The following PRP4K variants were observed in gnomAD, a reference collection of about 807,000 sequenced individuals.
PRP4K encodes the protein pre-mRNA processing factor kinase PRP4K.
At chr6:4,057,261 C>A in the PRP4K span, 13 of 1,465,708 alleles carry the variant, frequency 8.9e-6, no homozygotes, top group Admixed American at 2.2e-5. Flanking sequence ...ACTTGCTCAC[C>A]ACTAGTGAGC....
the PRP4K span, chr6:4,063,853 C>G: frequency 6.6e-6 from 1 of 152,180 alleles, no homozygotes; most frequent in South Asian, 2.1e-4. Context: ...TTTTCAAATG[C>G]TATCTGCCGT....
At chr6:4,044,483 A>C in the PRP4K span, among the ~76,000 whole-genome samples, 1 of 152,198 alleles carries the variant, frequency 6.6e-6, no homozygotes, top group Non-Finnish European at 1.5e-5. Flanking sequence ...TTGGTGTCCT[A>C]ACAACCTCCA....
chr6:4,056,688 G>C, the PRP4K span: 12 of 1,547,436 alleles, frequency 7.8e-6, no homozygotes, highest in African/African-American at 1.5e-4. Context: ...GATTATTCAA[G>C]GTCTGATTAT....
At chr6:4,043,685 A>G in the PRP4K span, 7 of 867,510 alleles carry the variant, frequency 8.1e-6, no homozygotes, top group South Asian at 1.7e-5. Flanking sequence ...GAACCAATAA[A>G]TACCATTTGG....
the PRP4K span, chr6:4,060,680 T>C: frequency 2.2e-6 from 3 of 1,353,176 alleles, no homozygotes; most frequent in Non-Finnish European, 2.0e-6. The surrounding 1 kb of genome is among the most constrained non-coding windows in gnomAD (Gnocchi z 4.7). Flanking sequence ...CACAGCAGTT[T>C]ATTAATGTAT....
At chr6:4,058,058 G>T in the PRP4K span, among the ~76,000 whole-genome samples, 1 of 152,116 alleles carries the variant, frequency 6.6e-6, no homozygotes, top group Non-Finnish European at 1.5e-5. Context: ...CTGTGTCCCA[G>T]ACTGGAGTAC....
the PRP4K span, among the ~76,000 whole-genome samples, chr6:4,022,057 ATTGTT>A: frequency 2.0e-5 from 3 of 147,346 alleles, no homozygotes; most frequent in Admixed American, 6.8e-5. Flanking sequence ...GTCACCCAGT[ATTGTT>A]TTGTTTTGTT....
chr6:4,026,942 C>T, the PRP4K span, among the ~76,000 whole-genome samples: 1 of 152,108 alleles, frequency 6.6e-6, no homozygotes, highest in African/African-American at 2.4e-5. Flanking sequence ...GAAAGCATTC[C>T]TGGCAGGAGA....
At chr6:4,021,306 C>G in the PRP4K span, 5 of 1,371,336 alleles carry the variant, frequency 3.6e-6, no homozygotes, top group East Asian at 7.5e-5. Context: ...ACTCAGAACC[C>G]AGCTCTTCCC....
chr6:4,056,707 T>C, the PRP4K span: 1 of 1,534,676 alleles, frequency 6.5e-7, no homozygotes, highest in Non-Finnish European at 8.8e-7. Flanking sequence ...ATCACATTTA[T>C]GGATTGTATG....
the PRP4K span, chr6:4,061,469 G>A: frequency 6.6e-6 from 1 of 152,606 alleles, no homozygotes; most frequent in East Asian, 1.9e-4. Context: ...ACGATGCGTA[G>A]TTTTCATTTA....
chr6:4,055,770 G>C, the PRP4K span, among the ~76,000 whole-genome samples: 9 of 152,272 alleles, frequency 5.9e-5, no homozygotes, highest in African/African-American at 2.2e-4. Flanking sequence ...ACATTTTCTT[G>C]ACTAATACCT....
the PRP4K span, among the ~76,000 whole-genome samples, chr6:4,031,063 C>T: frequency 6.6e-6 from 1 of 152,132 alleles, no homozygotes; most frequent in Non-Finnish European, 1.5e-5. Flanking sequence ...GCTGGGTTTA[C>T]TGTAGAGACA....
chr6:4,026,954 A>G, the PRP4K span, among the ~76,000 whole-genome samples: 408 of 152,268 alleles, frequency 2.7e-3, no homozygotes, highest in African/African-American at 6.9e-3. Flanking sequence ...GGCAGGAGAA[A>G]CAGGTCCCAC....
chr6:4,045,078 G>A, the PRP4K span, among the ~76,000 whole-genome samples: 6 of 151,874 alleles, frequency 4.0e-5, no homozygotes, highest in Non-Finnish European at 7.4e-5. Flanking sequence ...AGCCAGGATG[G>A]TCTCGATCTC....
the PRP4K span, among the ~76,000 whole-genome samples, chr6:4,022,453 G>A: frequency 1.4e-5 from 1 of 70,322 alleles, no homozygotes; most frequent in Non-Finnish European, 2.9e-5. Context: ...TATAGCGACC[G>A]TTTTTTTTTT....
the PRP4K span, among the ~76,000 whole-genome samples, chr6:4,058,304 G>C: frequency 6.6e-6 from 1 of 152,168 alleles, no homozygotes; most frequent in Non-Finnish European, 1.5e-5. Flanking sequence ...GAGCTATGTT[G>C]GTATTAGTTT....
chr6:4,044,214 C>T, the PRP4K span: 1 of 593,696 alleles, frequency 1.7e-6, no homozygotes, highest in Non-Finnish European at 2.9e-6. Context: ...TTTATTAGTT[C>T]ACATATCCTG....
chr6:4,021,992 A>G, the PRP4K span, among the ~76,000 whole-genome samples: 1 of 152,110 alleles, frequency 6.6e-6, no homozygotes, highest in Non-Finnish European at 1.5e-5. Context: ...TCCCAGAGCT[A>G]GTCTGTGGCT....
Sources: allele counts gnomAD v4.1 joint callset (sites outside exome capture counted in the v4.1 genomes callset), GRCh38; gene constraint gnomAD v4.1.1; non-coding constraint Gnocchi (gnomAD v3.1); transcripts MANE v1.5; gene names NCBI Gene and HGNC (gene_info 2026-07-23, HGNC 2026-07-21).